PLXDC2: variants seen among roughly 807,000 people sequenced by gnomAD.
PLXDC2 encodes the protein plexin domain-containing protein 2.
Under a neutral mutation model 68.9 loss-of-function variants are expected in PLXDC2, and 40 were observed. The observed-to-expected ratio is 0.58, with a 90% confidence interval of 0.45 to 0.76. PLXDC2 has a LOEUF of 0.76. PLXDC2 is among the 30% of genes least tolerant of loss of function. PLXDC2 has a pLI of 0.00. For missense variants in PLXDC2, 644 were observed against 661.9 expected (o/e 0.97, Z 0.30); for synonymous variants, 243 against 234.2 (o/e 1.04, Z -0.34).
chr10:20,040,718 T>C (rs550962689), intron 2 of PLXDC2, among the ~76,000 whole-genome samples: 1 of 152,192 alleles, frequency 6.6e-6, no homozygotes, highest in East Asian at 1.9e-4. Context: ...CCAAGTTTAT[T>C]AGAATTTGGA....
intron 1 of PLXDC2, among the ~76,000 whole-genome samples, chr10:19,892,867 A>G (rs773401287): frequency 6.6e-6 from 1 of 152,016 alleles, no homozygotes; most frequent in Admixed American, 6.6e-5. Context: ...GCTAAGACCC[A>G]ATCAGACAGC....
chr10:20,254,860 T>G (rs997229848), intron 13 of PLXDC2, among the ~76,000 whole-genome samples: 1 of 152,204 alleles, frequency 6.6e-6, no homozygotes, highest in Admixed American at 6.5e-5. Context: ...TGAACATCAC[T>G]GAATGTTTTT....
chr10:20,126,236 GTATAATACATATATACATATACGTTA>G (rs1218485398), intron 4 of PLXDC2, among the ~76,000 whole-genome samples: 52 of 144,548 alleles, frequency 3.6e-4, no homozygotes, highest in African/African-American at 1.1e-3. Flanking sequence ...CATATACGTT[GTATAATACATATATACATATACGTTA>G]TATAATACAT....
rs958176680 is a variant in PLXDC2 at position 19,926,480 on chromosome 10, C to T, written c.113-75295C>T. Among the ~76,000 whole-genome samples, 5 of 152,252 alleles carry T rather than the reference C, an allele frequency of 3.3e-5. No homozygotes were observed. The South Asian group carries it at 8.3e-4, about 25-fold the overall frequency. On this transcript the variant is annotated intron_variant, in intron 1 of 13. Transcript: ENST00000377252. ...AGAGGCGTCAGCAGGCGGAAATTCACGGGCTTGCTGCACTATGTTCATCTT... is the reference window on the plus strand; with the variant it reads ...AGAGGCGTCAGCAGGCGGAAATTCATGGGCTTGCTGCACTATGTTCATCTT...
At chr10:19,860,414 C>T (rs181722412) in intron 1 of PLXDC2, among the ~76,000 whole-genome samples, 6 of 152,242 alleles carry the variant, frequency 3.9e-5, no homozygotes, top group African/African-American at 1.4e-4. Context: ...TTCATAAATA[C>T]CTGTTGATGA....
At chr10:19,840,421 T>C (rs1836881956) in intron 1 of PLXDC2, among the ~76,000 whole-genome samples, 1 of 152,168 alleles carries the variant, frequency 6.6e-6, no homozygotes, top group Non-Finnish European at 1.5e-5. Context: ...AGGAAGTTTA[T>C]ATTATTTTTG....
chr10:20,118,782 T>C (rs1833655768), intron 4 of PLXDC2, among the ~76,000 whole-genome samples: 1 of 152,198 alleles, frequency 6.6e-6, no homozygotes, highest in Non-Finnish European at 1.5e-5. Flanking sequence ...GTTTCTTTCA[T>C]TATTTATCTC....
intron 1 of PLXDC2, among the ~76,000 whole-genome samples, chr10:19,940,183 T>C (rs935549848): frequency 3.3e-5 from 5 of 149,746 alleles, no homozygotes; most frequent in Non-Finnish European, 7.4e-5. Context: ...TCATACTAAT[T>C]CTACATTCTG....
rs901966551 is a variant in PLXDC2 at position 19,975,477 on chromosome 10, T to C, written c.113-26298T>C. On this transcript the variant is annotated intron_variant, in intron 1 of 13. Coordinates refer to ENST00000377252, the MANE Select transcript of PLXDC2 (RefSeq NM_032812.9). ...CATCTCAAATAAATAAATAAATAATTAAAAATAAATAAATAAAACACAAAG... is the reference window on the plus strand; with the variant it reads ...CATCTCAAATAAATAAATAAATAATCAAAAATAAATAAATAAAACACAAAG... Among the ~76,000 whole-genome samples the C allele has an allele frequency of 9.9e-5, 15 of 151,698 alleles. No homozygotes were observed. The East Asian group carries it at 1.8e-3, about 18-fold the overall frequency.
At chr10:20,087,812 C>G (rs1365253105) in intron 4 of PLXDC2, among the ~76,000 whole-genome samples, 1 of 152,184 alleles carries the variant, frequency 6.6e-6, no homozygotes, top group Non-Finnish European at 1.5e-5. Flanking sequence ...CTGTGGTTTT[C>G]ATGGCCCATT....
chr10:20,189,991 T>C (rs146820309), intron 9 of PLXDC2, among the ~76,000 whole-genome samples: 1 of 151,828 alleles, frequency 6.6e-6, no homozygotes, highest in East Asian at 1.9e-4. Context: ...AGACATTCTT[T>C]TAAGTTATCT....
intron 12 of PLXDC2, among the ~76,000 whole-genome samples, chr10:20,224,523 T>C (rs1835261030): frequency 1.3e-5 from 2 of 152,164 alleles, no homozygotes; most frequent in African/African-American, 4.8e-5. Context: ...TAAATAGAAA[T>C]GTAGATGTCT....
intron 1 of PLXDC2, among the ~76,000 whole-genome samples, chr10:19,963,196 A>C (rs981247423): frequency 6.6e-6 from 1 of 152,116 alleles, no homozygotes; most frequent in Non-Finnish European, 1.5e-5. Flanking sequence ...ATTTCCCTTG[A>C]AATCAGAAGT....
chr10:19,914,329 T>C (rs1405319162), intron 1 of PLXDC2, among the ~76,000 whole-genome samples: 1 of 152,194 alleles, frequency 6.6e-6, no homozygotes, highest in East Asian at 1.9e-4. Flanking sequence ...AAGTATGTAA[T>C]CATTGGGATT....
chr10:19,908,025 A>G (rs1833198747), intron 1 of PLXDC2, among the ~76,000 whole-genome samples: 1 of 152,214 alleles, frequency 6.6e-6, no homozygotes, highest in Non-Finnish European at 1.5e-5. Context: ...ATTTCTGACT[A>G]TAAAAGCGGG....
intron 1 of PLXDC2, among the ~76,000 whole-genome samples, chr10:19,848,860 C>T (rs941344966): frequency 6.6e-6 from 1 of 152,020 alleles, no homozygotes; most frequent in African/African-American, 2.4e-5. Flanking sequence ...CTCTTCATCT[C>T]ATGAAAAGAA....
chr10:20,081,674 A>G (rs936185157), intron 4 of PLXDC2, among the ~76,000 whole-genome samples: 1 of 152,154 alleles, frequency 6.6e-6, no homozygotes, highest in Non-Finnish European at 1.5e-5. Context: ...CTTTAAATAA[A>G]CCAGATAAAA....
chr10:20,121,364 G>A (rs577766780), intron 4 of PLXDC2, among the ~76,000 whole-genome samples: 42 of 152,298 alleles, frequency 2.8e-4, no homozygotes, highest in African/African-American at 1.0e-3. Context: ...ACCATGCCTA[G>A]GAAGGAAAGG....
At chr10:19,970,677 C>G (rs1834335303) in intron 1 of PLXDC2, among the ~76,000 whole-genome samples, 1 of 152,132 alleles carries the variant, frequency 6.6e-6, no homozygotes, top group African/African-American at 2.4e-5. Context: ...ATTTTAGATG[C>G]TTTTGACTAT....
Sources: allele counts gnomAD v4.1 joint callset (sites outside exome capture counted in the v4.1 genomes callset), GRCh38; gene constraint gnomAD v4.1.1; transcripts MANE v1.5; gene names NCBI Gene and HGNC (gene_info 2026-07-23, HGNC 2026-07-21).